FAM135B: variants seen among roughly 807,000 people sequenced by gnomAD.
FAM135B encodes the protein protein FAM135B.
A neutral mutation model predicts 127.7 loss-of-function variants in FAM135B; 43 were observed. The observed-to-expected ratio is 0.34, with a 90% CI of 0.26 to 0.43. The LOEUF (loss-of-function observed/expected upper bound fraction) is 0.43. Among genes scored for constraint, FAM135B ranks in the 20% least tolerant of loss-of-function variants. FAM135B has a pLI of 1.00. For missense variants in FAM135B, 1,558 were observed against 1,725.6 expected (o/e 0.90, Z 1.72); for synonymous variants, 670 against 665.1 (o/e 1.01, Z -0.11).
chr8:138,184,710 A>C (rs1324722790), intron 9 of FAM135B, among the ~76,000 whole-genome samples: 1 of 152,174 alleles, frequency 6.6e-6, no homozygotes, highest in Non-Finnish European at 1.5e-5. Context: ...GAGGGGGACC[A>C]GGAGACAGCT....
intron 1 of FAM135B, among the ~76,000 whole-genome samples, chr8:138,442,209 A>G (rs1273370850): frequency 1.5e-5 from 2 of 135,920 alleles, no homozygotes; most frequent in African/African-American, 2.7e-5. Context: ...TTGGAAATAA[A>G]AAAATTTAAC....
intron 2 of FAM135B, among the ~76,000 whole-genome samples, chr8:138,352,584 C>T (rs988813623): frequency 6.6e-6 from 1 of 152,184 alleles, no homozygotes; most frequent in Non-Finnish European, 1.5e-5. Context: ...TGTCTCTAAA[C>T]ACTTGAGTCT....
intron 2 of FAM135B, among the ~76,000 whole-genome samples, chr8:138,327,202 A>G (rs1587102724): frequency 6.6e-6 from 1 of 152,302 alleles, no homozygotes; most frequent in East Asian, 1.9e-4. Flanking sequence ...CAGAGTGAAA[A>G]CAAAGGAAGC....
In FAM135B at chr8:138,132,477, C is replaced by G. The variant is rs576687840; in HGVS notation, c.*116G>C. 1 of 843,384 alleles carries G rather than the reference C, an allele frequency of 1.2e-6. No homozygotes were observed. The highest frequency in any genetic ancestry group is 1.9e-6 in the Non-Finnish European group (1 of 523,436). The allele number at this position is 843,384 out of a possible 1,614,324, so 52.2% of individuals were successfully genotyped here. A position where few individuals can be genotyped will look rare whatever the true frequency, so the allele number is the denominator to read the frequency against. On this transcript the variant is annotated 3_prime_UTR_variant, in exon 20 of 20. Transcript: ENST00000395297. This position sits in a 1 kb window ranked among gnomAD's most constrained non-coding sequence, Gnocchi z 4.5. ...TCATGTCAGGTTCCACCCGAGCCTC[C>G]GTCCCCCAATGCTGTTGAAGCTTCA... is the stretch of plus-strand genomic sequence containing the variant.
chr8:138,262,903 G>GAAAAAA (rs71316332), intron 4 of FAM135B, among the ~76,000 whole-genome samples: 1 of 95,346 alleles, frequency 1.0e-5, no homozygotes, highest in Admixed American at 1.3e-4. Flanking sequence ...CTCTGTCTCA[G>GAAAAAA]AAAAAAAAAA....
rs1389937395 is a variant in FAM135B at position 138,242,718 on chromosome 8, A to G, written c.669+224T>C. On this transcript the variant is annotated intron_variant, in intron 7 of 19. Transcript: ENST00000395297. This position sits in a 1 kb window ranked among gnomAD's most constrained non-coding sequence, Gnocchi z 9.6. The stretch of plus-strand genomic sequence containing the variant: ...AGAGACCACATATAACAAGTATCAT[A>G]TGAAGACCATATTCCCTGTATCTAT... Among the ~76,000 whole-genome samples, 1 of 152,182 alleles carries G rather than the reference A, an allele frequency of 6.6e-6. No homozygotes were observed. The highest frequency in any genetic ancestry group is 1.5e-5 in the Non-Finnish European group (1 of 68,034).
chr8:138,300,813 C>T (rs1188185259), intron 3 of FAM135B, among the ~76,000 whole-genome samples: 3 of 142,456 alleles, frequency 2.1e-5, no homozygotes, highest in African/African-American at 7.8e-5. Flanking sequence ...TGCAGTGGCA[C>T]TTTCTCAGCT....
chr8:138,187,335 C>G (rs1815674289), intron 9 of FAM135B, among the ~76,000 whole-genome samples: 1 of 152,212 alleles, frequency 6.6e-6, no homozygotes, highest in African/African-American at 2.4e-5. Flanking sequence ...GGCTCCCTCC[C>G]TTTTTCATGC....
chr8:138,403,625 C>G (rs1833279546), intron 1 of FAM135B, among the ~76,000 whole-genome samples: 1 of 152,154 alleles, frequency 6.6e-6, no homozygotes, highest in Non-Finnish European at 1.5e-5. Flanking sequence ...GACAAGGCAT[C>G]CCAATACCAA....
chr8:138,470,249 G>A (rs186059441), intron 1 of FAM135B, among the ~76,000 whole-genome samples: 72 of 152,188 alleles, frequency 4.7e-4, no homozygotes, highest in African/African-American at 1.7e-3. Context: ...CACAAGCCCA[G>A]GAACAAGAGC....
At chr8:138,427,273 T>TTA (rs34227349) in intron 1 of FAM135B, among the ~76,000 whole-genome samples, 9,865 of 146,254 alleles carry the variant, frequency 0.067, 750 homozygotes, top group East Asian at 0.26. Flanking sequence ...TTCATCAAGA[T>TTA]TATATATATA....
intron 1 of FAM135B, among the ~76,000 whole-genome samples, chr8:138,476,196 C>T (rs1361623859): frequency 6.6e-6 from 1 of 151,976 alleles, no homozygotes; most frequent in Non-Finnish European, 1.5e-5. Flanking sequence ...TCAGTGGTTG[C>T]CAAGGGTCTG....
intron 1 of FAM135B, among the ~76,000 whole-genome samples, chr8:138,379,307 C>T (rs1468268279): frequency 3.9e-5 from 6 of 152,148 alleles, no homozygotes; most frequent in Non-Finnish European, 8.8e-5. Context: ...TTTTCCACAT[C>T]TGTAATCCTA....
chr8:138,191,554 C>T (rs1816125460), intron 9 of FAM135B, among the ~76,000 whole-genome samples: 1 of 152,152 alleles, frequency 6.6e-6, no homozygotes, highest in Admixed American at 6.5e-5. Flanking sequence ...AAATCACCTC[C>T]CTAGGCTATG....
At chr8:138,335,575 C>G (rs1828515575) in intron 2 of FAM135B, among the ~76,000 whole-genome samples, 1 of 152,136 alleles carries the variant, frequency 6.6e-6, no homozygotes, top group Non-Finnish European at 1.5e-5. Flanking sequence ...AATATATATG[C>G]ACCCAATACA....
At chr8:138,171,504 T>C (rs1209822916) in intron 11 of FAM135B, among the ~76,000 whole-genome samples, 1 of 152,242 alleles carries the variant, frequency 6.6e-6, no homozygotes, top group Admixed American at 6.5e-5. Flanking sequence ...CAACACATGC[T>C]GTTTTGTTCA....
chr8:138,167,475 C>T (rs1376482724), intron 12 of FAM135B, among the ~76,000 whole-genome samples: 2 of 152,132 alleles, frequency 1.3e-5, no homozygotes, highest in Non-Finnish European at 2.9e-5. Flanking sequence ...GGATTACAGG[C>T]GCGAGCCACG....
chr8:138,258,882 G>A (rs1021292676), intron 4 of FAM135B, among the ~76,000 whole-genome samples: 1 of 151,196 alleles, frequency 6.6e-6, no homozygotes, highest in Non-Finnish European at 1.5e-5. Context: ...CTCAATTAGA[G>A]TCATCATCTC....
At chr8:138,395,085 G>A (rs567651834) in intron 1 of FAM135B, among the ~76,000 whole-genome samples, 2 of 152,306 alleles carry the variant, frequency 1.3e-5, no homozygotes, top group East Asian at 3.9e-4. Context: ...CATTGCCAAT[G>A]CAGTGAGTTA....
Sources: gnomAD v4.1 joint callset for allele counts (sites outside exome capture counted in the v4.1 genomes callset) on GRCh38, gnomAD v4.1.1 for gene constraint, Gnocchi (gnomAD v3.1) non-coding constraint, MANE v1.5 for transcripts, NCBI Gene and HGNC (gene_info 2026-07-23, HGNC 2026-07-21) for gene names.